Variants in PXDNL observed in about 807,000 individuals in gnomAD.
The protein encoded by PXDNL is probable oxidoreductase PXDNL.
PXDNL carries 145 observed loss-of-function variants against 150.8 expected under a neutral mutation model. The ratio of observed to expected loss-of-function variants is 0.96; its 90% CI spans 0.84 to 1.10. PXDNL has a LOEUF of 1.10. PXDNL is among the 50% of genes least tolerant of loss of function. The pLI is 0.00. For missense variants in PXDNL, 2,087 were observed against 1,873.9 expected (o/e 1.11, Z -2.10); for synonymous variants, 757 against 725.7 (o/e 1.04, Z -0.69).
chr8:51,736,207 G>T (rs983115698), intron 1 of PXDNL, among the ~76,000 whole-genome samples: 4 of 152,172 alleles, frequency 2.6e-5, no homozygotes, highest in African/African-American at 9.7e-5. Context: ...ATGTCGCACA[G>T]AATATGGCAT....
intron 4 of PXDNL, among the ~76,000 whole-genome samples, chr8:51,537,239 G>T (rs1308872294): frequency 6.6e-6 from 1 of 152,114 alleles, no homozygotes; most frequent in Non-Finnish European, 1.5e-5. Context: ...CGTGAATGTG[G>T]GCAGGCAGTG....
At chr8:51,351,282 G>A (rs1349049750) in intron 19 of PXDNL, among the ~76,000 whole-genome samples, 1 of 152,218 alleles carries the variant, frequency 6.6e-6, no homozygotes, top group Non-Finnish European at 1.5e-5. Context: ...TTGTTGCAGA[G>A]TAATTCGTTA....
intron 3 of PXDNL, among the ~76,000 whole-genome samples, chr8:51,577,119 A>T (rs1813072103): frequency 6.6e-6 from 1 of 151,920 alleles, no homozygotes; most frequent in Non-Finnish European, 1.5e-5. Flanking sequence ...GAAAAATAAC[A>T]GAGAAAGAAT....
chr8:51,475,087 C>A lies in PXDNL; in HGVS notation c.579G>T (p.Glu193Asp), dbSNP rs1810443080. Reference sequence around the variant, plus strand: ...CGTGTTGGGCAAAGCCTTGTAAAAGCTCCCCCAGCCACATCAGATCACAGT... The same window carrying A: ...CGTGTTGGGCAAAGCCTTGTAAAAGATCCCCCAGCCACATCAGATCACAGT... ...VCDCDLMWLG[E>D]LLQGFAQHGH... The change falls in exon 7 of 23, where the codon GAG becomes GAT. Residue 193 changes from glutamate (E) to aspartate (D), a missense_variant. Coordinates refer to ENST00000356297, the MANE Select transcript of PXDNL (RefSeq NM_144651.5). 1 of 1,613,826 alleles carries A rather than the reference C, an allele frequency of 6.2e-7. No homozygotes were observed. The highest frequency in any genetic ancestry group is 1.1e-5 in the South Asian group (1 of 91,074).
At chr8:51,529,903 CCTGGCCTCTA>C (rs1811856630) in intron 4 of PXDNL, among the ~76,000 whole-genome samples, 1 of 152,182 alleles carries the variant, frequency 6.6e-6, no homozygotes, top group Non-Finnish European at 1.5e-5. Flanking sequence ...TAGCAGCATC[CCTGGCCTCTA>C]CTTACAAGAT....
chr8:51,719,333 G>C (rs535828154), intron 1 of PXDNL, among the ~76,000 whole-genome samples: 8 of 152,140 alleles, frequency 5.3e-5, no homozygotes, highest in Non-Finnish European at 1.0e-4. Context: ...GTTGATCTAT[G>C]ACCTTACCCC....
At chr8:51,625,820 A>AT (rs1342210780) in intron 2 of PXDNL, among the ~76,000 whole-genome samples, 1 of 152,142 alleles carries the variant, frequency 6.6e-6, no homozygotes, top group South Asian at 2.1e-4. Flanking sequence ...TTTAAAACAG[A>AT]TTTTTTTAGT....
chr8:51,724,324 G>A (rs1816785396), intron 1 of PXDNL, among the ~76,000 whole-genome samples: 1 of 152,138 alleles, frequency 6.6e-6, no homozygotes, highest in African/African-American at 2.4e-5. Context: ...AGCAGGCAGA[G>A]TAAGAGATGT....
At chr8:51,359,218 G>C (rs1007397967) in intron 19 of PXDNL, among the ~76,000 whole-genome samples, 1 of 152,138 alleles carries the variant, frequency 6.6e-6, no homozygotes, top group Non-Finnish European at 1.5e-5. Flanking sequence ...CACTTTCTCA[G>C]TGAAAACATG....
At chr8:51,454,969 C>T (rs117620782) in intron 9 of PXDNL, among the ~76,000 whole-genome samples, 1,292 of 96,520 alleles carry the variant, frequency 0.013, 153 homozygotes, top group Non-Finnish European at 0.019. Flanking sequence ...ATTAGCCGGG[C>T]GCGGTGGCGG....
intron 2 of PXDNL, among the ~76,000 whole-genome samples, chr8:51,640,097 A>T (rs1194012877): frequency 6.6e-6 from 1 of 152,258 alleles, no homozygotes. Flanking sequence ...AACCAAAGAC[A>T]AAAACCACAT....
At chr8:51,333,509 T>C (rs1043446031) in intron 21 of PXDNL, among the ~76,000 whole-genome samples, 5 of 152,148 alleles carry the variant, frequency 3.3e-5, no homozygotes, top group African/African-American at 1.2e-4. Flanking sequence ...AATACTAACA[T>C]TGAATGTAAA....
At chr8:51,726,132 G>C (rs1030185358) in intron 1 of PXDNL, among the ~76,000 whole-genome samples, 5 of 152,192 alleles carry the variant, frequency 3.3e-5, no homozygotes, top group African/African-American at 1.2e-4. Context: ...GATGCCCTGT[G>C]TGTATATCTC....
intron 4 of PXDNL, among the ~76,000 whole-genome samples, chr8:51,531,599 G>A (rs1811909332): frequency 6.6e-6 from 1 of 152,194 alleles, no homozygotes; most frequent in Non-Finnish European, 1.5e-5. Context: ...GCTCTGTTGG[G>A]TCAGCAGAGA....
intron 19 of PXDNL, among the ~76,000 whole-genome samples, chr8:51,346,836 A>G (rs1449212111): frequency 1.3e-5 from 2 of 152,172 alleles, no homozygotes; most frequent in African/African-American, 2.4e-5. Context: ...GGCTTCCAGT[A>G]TGGCCTACAG....
intron 1 of PXDNL, among the ~76,000 whole-genome samples, chr8:51,738,184 C>G (rs751944566): frequency 6.6e-6 from 1 of 152,220 alleles, no homozygotes. Flanking sequence ...GCAAGTCTTA[C>G]TGACCTTCCT....
chr8:51,377,105 T>TACACACACACACACACACAC (rs772419401), intron 17 of PXDNL, among the ~76,000 whole-genome samples: 1 of 140,612 alleles, frequency 7.1e-6, no homozygotes, highest in Non-Finnish European at 1.5e-5. Flanking sequence ...CTCTACCCTT[T>TACACACACACACACACACAC]ACACACACAC....
At chr8:51,595,405 A>G (rs1813543122) in intron 2 of PXDNL, among the ~76,000 whole-genome samples, 1 of 152,166 alleles carries the variant, frequency 6.6e-6, no homozygotes, top group Non-Finnish European at 1.5e-5. Context: ...TTTATAAAGA[A>G]AAATAGAACT....
chr8:51,604,060 A>G (rs958652010), intron 2 of PXDNL, among the ~76,000 whole-genome samples: 7 of 152,188 alleles, frequency 4.6e-5, no homozygotes, highest in African/African-American at 1.4e-4. Context: ...CTCCAAAATT[A>G]TAATAAAATT....
Sources: gnomAD v4.1 joint callset for allele counts (sites outside exome capture counted in the v4.1 genomes callset) on GRCh38, gnomAD v4.1.1 for gene constraint, MANE v1.5 for transcripts, NCBI Gene and HGNC (gene_info 2026-07-23, HGNC 2026-07-21) for gene names.